CRADD: variants seen among roughly 807,000 people sequenced by gnomAD.
CRADD encodes CARD and death domain containing adaptor protein.
In CRADD, 9 loss-of-function variants were observed where a neutral mutation model predicts 15.5. The ratio of observed to expected loss-of-function variants is 0.58; its 90% CI spans 0.35 to 1.01. The LOEUF is 1.01. Ranked by LOEUF, CRADD falls within the 50% of genes least tolerant of loss-of-function variation. The pLI is 0.02. For missense variants in CRADD, 227 were observed against 250.3 expected, an observed-to-expected ratio of 0.91 and a Z score of 0.63; for synonymous variants, 118 against 107.6, an observed-to-expected ratio of 1.10 and a Z score of -0.60.
chr12:93,875,937 T>C (rs1207955547), intron 2 of CRADD, among the ~76,000 whole-genome samples: 1 of 152,152 alleles, frequency 6.6e-6, no homozygotes, highest in African/African-American at 2.4e-5. Context: ...TACTTAGTAA[T>C]GTTCCTTCCT....
chr12:93,700,666 G>A (rs1402201371), intron 2 of CRADD, among the ~76,000 whole-genome samples: 3 of 152,072 alleles, frequency 2.0e-5, no homozygotes, highest in East Asian at 1.9e-4. Flanking sequence ...TCCTGACCTC[G>A]TGATCTGCCC....
At chr12:93,863,921 G>T (rs1958340891) in intron 2 of CRADD, among the ~76,000 whole-genome samples, 1 of 151,646 alleles carries the variant, frequency 6.6e-6, no homozygotes, top group African/African-American at 2.4e-5. Context: ...GAAATGATGG[G>T]TCAATGTTAT....
intron 2 of CRADD, among the ~76,000 whole-genome samples, chr12:93,841,067 ATT>A (rs1049089350): frequency 6.6e-6 from 1 of 152,018 alleles, no homozygotes; most frequent in African/African-American, 2.4e-5. Context: ...ACTTTATCAA[ATT>A]TTTTTCTGCA....
chr12:93,829,967 C>T (rs1419752480), intron 2 of CRADD, among the ~76,000 whole-genome samples: 1 of 152,166 alleles, frequency 6.6e-6, no homozygotes, highest in Non-Finnish European at 1.5e-5. Flanking sequence ...GCTAGGATTA[C>T]AGGCATCAGC....
At chr12:93,791,354 G>T (rs1435560150) in intron 2 of CRADD, among the ~76,000 whole-genome samples, 1 of 152,044 alleles carries the variant, frequency 6.6e-6, no homozygotes, top group Non-Finnish European at 1.5e-5. Context: ...AAAAAAGGAA[G>T]GAAACCCTGT....
At chr12:93,870,657 G>T (rs1023122480) in intron 2 of CRADD, among the ~76,000 whole-genome samples, 1 of 152,164 alleles carries the variant, frequency 6.6e-6, no homozygotes, top group Admixed American at 6.5e-5. Context: ...CAACTCATAG[G>T]GTGGAGGTTT....
rs954715621 is a variant in CRADD, at chr12:93,811,070, C to T, written c.299-38900C>T. Among the ~76,000 whole-genome samples the T allele has an allele frequency of 3.3e-5, 5 of 152,086 alleles. No homozygotes were observed. The South Asian group carries it at 6.2e-4, about 19-fold the overall frequency. ...CCTTAGCCCCCCCTCCTGGAACAGC[C>T]GGCTGCTGGTGGTCTAGTTTTTTGA... On this transcript the variant is annotated intron_variant, in intron 2 of 2. Coordinates refer to ENST00000332896, the MANE Select transcript of CRADD (RefSeq NM_003805.5).
At chr12:93,846,594 A>ACACACGCG (rs939894767) in intron 2 of CRADD, 2 of 149,714 alleles carry the variant, frequency 1.3e-5, no homozygotes, top group African/African-American at 4.9e-5. Flanking sequence ...ACACACACAC[A>ACACACGCG]CACACACACA....
intron 2 of CRADD, among the ~76,000 whole-genome samples, chr12:93,886,684 T>A (rs750375313): frequency 6.6e-6 from 1 of 152,190 alleles, no homozygotes; most frequent in Non-Finnish European, 1.5e-5. Flanking sequence ...AGTATGTGGA[T>A]CTTACTTTGA....
chr12:93,693,003 T>C (rs1592890847), intron 2 of CRADD, among the ~76,000 whole-genome samples: 1 of 152,172 alleles, frequency 6.6e-6, no homozygotes, highest in Non-Finnish European at 1.5e-5. Flanking sequence ...GTGATCAAAA[T>C]TGAGTTGTTA....
intron 2 of CRADD, among the ~76,000 whole-genome samples, chr12:93,766,756 T>G (rs566632317): frequency 2.0e-5 from 3 of 152,350 alleles, no homozygotes; most frequent in Non-Finnish European, 4.4e-5. Flanking sequence ...AACCATCCTT[T>G]GCTGGAAGAT....
intron 2 of CRADD, among the ~76,000 whole-genome samples, chr12:93,797,896 T>G (rs897637822): frequency 6.6e-6 from 1 of 152,224 alleles, no homozygotes; most frequent in African/African-American, 2.4e-5. Flanking sequence ...TTTAGGGGGC[T>G]TCCAGGATCG....
chr12:93,715,127 G>A (rs976499727), intron 2 of CRADD, among the ~76,000 whole-genome samples: 1 of 152,100 alleles, frequency 6.6e-6, no homozygotes, highest in Non-Finnish European at 1.5e-5. Flanking sequence ...CCTTGGATGA[G>A]TTTTATTAAA....
intron 2 of CRADD, among the ~76,000 whole-genome samples, chr12:93,842,640 C>T (rs1006627512): frequency 2.6e-5 from 4 of 152,010 alleles, no homozygotes; most frequent in Non-Finnish European, 5.9e-5. Context: ...TCACAAAATG[C>T]AATAGGGATT....
At chr12:93,810,624 T>G (rs1369799850) in intron 2 of CRADD, among the ~76,000 whole-genome samples, 1 of 132,072 alleles carries the variant, frequency 7.6e-6, no homozygotes, top group African/African-American at 2.9e-5. Flanking sequence ...CTTTGCAGAA[T>G]GCAGTATGGC....
In CRADD at chr12:93,824,594, T is replaced by G. The variant is rs1957804184; in HGVS notation, c.299-25376T>G. 6.6e-6 allele frequency among the ~76,000 whole-genome samples: 1 copy of G among 152,240 alleles called. No homozygotes were observed. The highest frequency in any genetic ancestry group is 1.5e-5 in the Non-Finnish European group (1 of 68,040). On this transcript the variant is annotated intron_variant, in intron 2 of 2. Transcript: ENST00000332896. This position sits in a 1 kb window ranked among gnomAD's most constrained non-coding sequence, Gnocchi z 4.3. ...CTAGAGTTCAGTTTACTTAGGGAAC[T>G]GTCGTGTTAACACCGAAGAATGCAT...
At chr12:93,767,627 A>G (rs1407298177) in intron 2 of CRADD, among the ~76,000 whole-genome samples, 1 of 152,178 alleles carries the variant, frequency 6.6e-6, no homozygotes, top group Non-Finnish European at 1.5e-5. Context: ...TAGAGGAGAG[A>G]CACACCCAAG....
chr12:93,876,132 T>G (rs1958456581), intron 2 of CRADD, among the ~76,000 whole-genome samples: 1 of 152,202 alleles, frequency 6.6e-6, no homozygotes. Flanking sequence ...ATATGTCATG[T>G]CATTCTCTCC....
chr12:93,773,386 G>A (rs1331638243), intron 2 of CRADD, among the ~76,000 whole-genome samples: 1 of 152,126 alleles, frequency 6.6e-6, no homozygotes, highest in South Asian at 2.1e-4. Context: ...GATTATATAA[G>A]GGGGAGTTTC....
Sources: allele counts gnomAD v4.1 joint callset (sites outside exome capture counted in the v4.1 genomes callset), GRCh38; gene constraint gnomAD v4.1.1; non-coding constraint Gnocchi (gnomAD v3.1); transcripts MANE v1.5; gene names NCBI Gene and HGNC (gene_info 2026-07-23, HGNC 2026-07-21).